The following ROBO2 variants were observed in gnomAD, a reference collection of about 807,000 sequenced individuals.
ROBO2 encodes the protein roundabout guidance receptor 2, also known as roundabout homolog 2.
ROBO2 carries 53 observed loss-of-function variants against 160.8 expected under a neutral mutation model. The ratio of observed to expected loss-of-function variants is 0.33; its 90% CI spans 0.26 to 0.41. ROBO2 has a LOEUF of 0.41. Ranked by LOEUF, ROBO2 falls within the 10% of genes least tolerant of loss-of-function variation. The pLI is 1.00. For synonymous variants in ROBO2, 664 were observed against 611.7 expected, an observed-to-expected ratio of 1.09 and a Z score of -1.26; for missense variants, 1,577 against 1,722.4, an observed-to-expected ratio of 0.92 and a Z score of 1.49.
At chr3:76,019,964 T>G (rs2066525208) in intron 2 of ROBO2, among the ~76,000 whole-genome samples, 1 of 151,954 alleles carries the variant, frequency 6.6e-6, no homozygotes, top group African/African-American at 2.4e-5. Context: ...ATATTTGTAT[T>G]ATGGCCTCCC....
chr3:76,551,090 A>G (rs2083389365), intron 2 of ROBO2, among the ~76,000 whole-genome samples: 1 of 151,924 alleles, frequency 6.6e-6, no homozygotes, highest in African/African-American at 2.4e-5. Flanking sequence ...GTGAGAACTT[A>G]TGGTGCTTTT....
At chr3:76,291,821 G>A (rs190085927) in intron 2 of ROBO2, among the ~76,000 whole-genome samples, 72 of 151,928 alleles carry the variant, frequency 4.7e-4, no homozygotes, top group African/African-American at 1.7e-3. Flanking sequence ...GTAATTGTAT[G>A]ATCTTGATGG....
intron 2 of ROBO2, among the ~76,000 whole-genome samples, chr3:76,080,686 T>C (rs1470244110): frequency 2.6e-5 from 4 of 152,234 alleles, no homozygotes; most frequent in Admixed American, 1.3e-4. Flanking sequence ...TTTATTTTCA[T>C]CATTTTCACT....
intron 2 of ROBO2, among the ~76,000 whole-genome samples, chr3:77,463,279 C>T (rs895757786): frequency 2.6e-5 from 4 of 152,062 alleles, no homozygotes; most frequent in Non-Finnish European, 5.9e-5. Flanking sequence ...ATCAATTAAA[C>T]AGAGCAAAAT....
intron 2 of ROBO2, among the ~76,000 whole-genome samples, chr3:76,895,899 T>C (rs1165209030): frequency 6.6e-6 from 1 of 152,196 alleles, no homozygotes; most frequent in African/African-American, 2.4e-5. Flanking sequence ...CACTGCTTGC[T>C]TGTTTGATCT....
intron 2 of ROBO2, among the ~76,000 whole-genome samples, chr3:77,318,887 T>A (rs2064354337): frequency 6.6e-6 from 1 of 152,194 alleles, no homozygotes; most frequent in African/African-American, 2.4e-5. Flanking sequence ...ATGAAGTTAT[T>A]GTACTTCAGG....
intron 16 of ROBO2, among the ~76,000 whole-genome samples, chr3:77,585,596 G>A (rs1215477978): frequency 1.1e-4 from 16 of 151,916 alleles, no homozygotes; most frequent in African/African-American, 2.9e-4. Context: ...TATAAAAATA[G>A]AATTACAGAA....
At chr3:76,177,199 A>G (rs1416614877) in intron 2 of ROBO2, among the ~76,000 whole-genome samples, 1 of 152,186 alleles carries the variant, frequency 6.6e-6, no homozygotes, top group Non-Finnish European at 1.5e-5. Context: ...AAGATTTAAG[A>G]AGATAATCCT....
chr3:76,502,961 T>G (rs2107657353), intron 2 of ROBO2, among the ~76,000 whole-genome samples: 1 of 152,056 alleles, frequency 6.6e-6, no homozygotes, highest in East Asian at 1.9e-4. Context: ...GTAGTCAGGG[T>G]TCTCTTAGAG....
chr3:76,055,395 T>C (rs2067805144), intron 2 of ROBO2, among the ~76,000 whole-genome samples: 1 of 152,224 alleles, frequency 6.6e-6, no homozygotes, highest in South Asian at 2.1e-4. Flanking sequence ...GTTACATGGC[T>C]ATTCCATGCG....
intron 2 of ROBO2, among the ~76,000 whole-genome samples, chr3:76,946,552 C>T (rs926236528): frequency 6.6e-6 from 1 of 152,164 alleles, no homozygotes; most frequent in Non-Finnish European, 1.5e-5. Flanking sequence ...ATTCTCTAGT[C>T]TCAGCCTCCG....
intron 2 of ROBO2, among the ~76,000 whole-genome samples, chr3:76,387,139 C>T (rs374911788): frequency 6.6e-6 from 1 of 152,162 alleles, no homozygotes; most frequent in African/African-American, 2.4e-5. Context: ...ATGGCAGGGT[C>T]GAGGGGGAGA....
chr3:76,674,601 C>CACACAT (rs1475293665), intron 2 of ROBO2, among the ~76,000 whole-genome samples: 1 of 111,890 alleles, frequency 8.9e-6, no homozygotes, highest in Non-Finnish European at 2.2e-5. Context: ...TCCTAGTTCA[C>CACACAT]ACACACACAC....
intron 2 of ROBO2, among the ~76,000 whole-genome samples, chr3:77,126,100 C>G (rs951207791): frequency 6.6e-6 from 1 of 152,142 alleles, no homozygotes; most frequent in African/African-American, 2.4e-5. Flanking sequence ...TAAAGTTATA[C>G]ATTCTAATTG....
intron 2 of ROBO2, among the ~76,000 whole-genome samples, chr3:76,119,218 C>T (rs1464246544): frequency 6.6e-6 from 1 of 152,014 alleles, no homozygotes; most frequent in Non-Finnish European, 1.5e-5. Context: ...TAGATGAATT[C>T]GCTGTTGGTT....
intron 17 of ROBO2, among the ~76,000 whole-genome samples, chr3:77,593,679 T>G (rs1241042302): frequency 1.3e-5 from 2 of 152,158 alleles, no homozygotes; most frequent in African/African-American, 4.8e-5. Context: ...TATTAGTAGA[T>G]AACCTTAAAG....
chr3:76,570,810 C>T (rs1391792799), intron 2 of ROBO2, among the ~76,000 whole-genome samples: 1 of 152,016 alleles, frequency 6.6e-6, no homozygotes, highest in Admixed American at 6.6e-5. Context: ...GTTTTATAGC[C>T]CTGCTCCTCA....
At chr3:77,448,596 T>C (rs1582032168) in intron 2 of ROBO2, among the ~76,000 whole-genome samples, 2 of 152,134 alleles carry the variant, frequency 1.3e-5, no homozygotes, top group Admixed American at 1.3e-4. Flanking sequence ...CCTTTTATTA[T>C]GCGTAAGGAC....
At chr3:76,711,605 G>C (rs264550) in intron 2 of ROBO2, among the ~76,000 whole-genome samples, 60,375 of 151,978 alleles carry the variant, frequency 0.4, 12,589 homozygotes, top group Non-Finnish European at 0.47. Flanking sequence ...AAATGGCAGG[G>C]ACTGTGCAAG....
Sources: gnomAD v4.1 joint callset for allele counts (sites outside exome capture counted in the v4.1 genomes callset) on GRCh38, gnomAD v4.1.1 for gene constraint, MANE v1.5 for transcripts, NCBI Gene and HGNC (gene_info 2026-07-23, HGNC 2026-07-21) for gene names.